Variants in CHMP7 observed in about 807,000 individuals in gnomAD.
CHMP7 encodes CHMP family, member 7.
Under a neutral mutation model 53.7 loss-of-function variants are expected in CHMP7, and 15 were observed. The ratio of observed to expected loss-of-function variants is 0.28; its 90% CI spans 0.19 to 0.43. The LOEUF is 0.43. Among genes scored for constraint, CHMP7 ranks in the 20% least tolerant of loss-of-function variants. The probability of loss-of-function intolerance (pLI) is 1.00; values close to 1 mark genes in which losing one functional copy is unlikely to be tolerated. For synonymous variants in CHMP7, 261 were observed against 228.0 expected, an observed-to-expected ratio of 1.14 and a Z score of -1.30; for missense variants, 527 against 569.4, an observed-to-expected ratio of 0.93 and a Z score of 0.76.
intron 5 of CHMP7, 69 bp from the exon 6 acceptor site, chr8:23,257,964 A>C (rs1802204292): frequency 9.5e-7 from 1 of 1,056,678 alleles, no homozygotes; most frequent in African/African-American, 1.6e-5. Flanking sequence ...TGCTGCTCTC[A>C]GGGACCCTTT....
intron 7 of CHMP7, 106 bp downstream of exon 7, chr8:23,258,555 G>A: frequency 1.3e-6 from 2 of 1,493,046 alleles, no homozygotes; most frequent in East Asian, 2.3e-5. Context: ...CTTTCGGGAT[G>A]TGGCTGGGGT....
At chr8:23,259,316 C>CA (rs1802285490) in intron 9 of CHMP7, among the ~76,000 whole-genome samples, 190 bp downstream of exon 9, 9 of 149,708 alleles carry the variant, frequency 6.0e-5, no homozygotes, top group Admixed American at 1.3e-4. Context: ...CTACAGGCGC[C>CA]TGCCACTATG....
At chr8:23,248,810 A>C (rs1174736792) in intron 2 of CHMP7, among the ~76,000 whole-genome samples, 1 of 152,162 alleles carries the variant, frequency 6.6e-6, no homozygotes, top group Non-Finnish European at 1.5e-5. Context: ...CTTGCACTCG[A>C]CAGTGATTTA....
chr8:23,249,883 A>C (rs1433206940), intron 3 of CHMP7, among the ~76,000 whole-genome samples: 1 of 152,148 alleles, frequency 6.6e-6, no homozygotes, highest in Non-Finnish European at 1.5e-5. Flanking sequence ...CCTCCTGGTC[A>C]GTCAGCCTCC....
At chr8:23,258,678 A>T in intron 7 of CHMP7, 54 bp from the exon 8 acceptor site, 1 of 1,340,482 alleles carries the variant, frequency 7.5e-7, no homozygotes, top group East Asian at 2.3e-5. Context: ...ACAATATTGT[A>T]TGTATTTTGC....
chr8:23,246,367 C>T lies in CHMP7; in HGVS notation c.-329C>T, dbSNP rs1405677355. 2.3e-5 allele frequency: 8 copies of T among 341,972 alleles called. No individual in the cohort carries two copies. The highest frequency in any genetic ancestry group is 5.5e-6 in the Non-Finnish European group (1 of 182,842). The allele number at this position is 341,972 out of a possible 1,614,324, so 21.2% of individuals were successfully genotyped here. A position where few individuals can be genotyped will look rare whatever the true frequency, so the allele number is the denominator to read the frequency against. ...CAGAAGCCGCTGTACAACGCTTTGC[C>T]GAACTCCAGAATCTTGAAGGAGACG... On this transcript the variant is annotated 5_prime_UTR_variant, in exon 2 of 11. Coordinates refer to ENST00000397677, the MANE Select transcript of CHMP7 (RefSeq NM_152272.5).
In CHMP7 at chr8:23,260,277, TGCTGAACTTGAA is replaced by T. The variant is rs1368213458; in HGVS notation, c.1266_1277del (p.Ala423_Glu426del). ...GCGTGCCTAACCCTAGGATCTCAGA[TGCTGAACTTGAA>T]GCTGAACTTGAGAAACTGTCCTTAT... On this transcript the variant is annotated inframe_deletion, in exon 10 of 11. Transcript: ENST00000397677. The T allele has an allele frequency of 1.2e-6, 2 of 1,614,068 alleles. No individual in the cohort carries two copies. Among genetic ancestry groups the T allele is most frequent in the Non-Finnish European group, 1.7e-6 (2 of 1,180,036 alleles).
chr8:23,246,678 G>T lies in CHMP7; in HGVS notation c.-18G>T, dbSNP rs548392575. ...GGGCCAGGCTTGTGTTCGCAGCCTT[G>T]CCGGGGCTGGGGTTCCGATGTGGTC... On this transcript the variant is annotated 5_prime_UTR_variant, in exon 2 of 11. Coordinates refer to ENST00000397677, the MANE Select transcript of CHMP7 (RefSeq NM_152272.5). The T allele has an allele frequency of 3.0e-5, 46 of 1,544,090 alleles. No homozygotes were observed. Among genetic ancestry groups the T allele is most frequent in the African/African-American group, 4.1e-5 (3 of 72,758 alleles).
rs1383262279 is a variant in CHMP7, at chr8:23,246,773, G to A, written c.78G>A (p.Glu26=). 1 of 1,565,798 alleles carries A rather than the reference G, an allele frequency of 6.4e-7. No homozygotes were observed. Among genetic ancestry groups the A allele is most frequent in the African/African-American group, 1.4e-5 (1 of 73,622 alleles). ...GCCTTCTGCCCCCCGAGTGGGAGGA[G>A]GACGAGGAGCGCATGTCCTTCCTGT... ...PAGLLPPEWE[E]DEERMSFLFS... Residue 26 remains glutamate (E), a synonymous_variant, in exon 2 of 11, where the codon GAG becomes GAA. Transcript: ENST00000397677.
At chr8:23,259,200 G>A (rs552959352) in intron 9 of CHMP7, 74 bp downstream of exon 9, 110 of 722,606 alleles carry the variant, frequency 1.5e-4, no homozygotes, top group African/African-American at 9.3e-4. Flanking sequence ...ACGGAGTCTC[G>A]CTCTGTCGCC....
chr8:23,256,349 C>T, intron 4 of CHMP7, 111 bp from the exon 5 acceptor site: 1 of 740,492 alleles, frequency 1.4e-6, no homozygotes, highest in South Asian at 1.6e-5. Flanking sequence ...GAACATATCC[C>T]CCATGGATAA....
At chr8:23,251,366 C>G (rs147577022) in intron 3 of CHMP7, among the ~76,000 whole-genome samples, 1 of 152,178 alleles carries the variant, frequency 6.6e-6, no homozygotes, top group Non-Finnish European at 1.5e-5. Flanking sequence ...ACTTTTCTCT[C>G]TTTGGGTACT....
At chr8:23,259,029 C>A in intron 8 of CHMP7, 37 bp from the exon 9 acceptor site, 1 of 1,421,712 alleles carries the variant, frequency 7.0e-7, no homozygotes, top group Non-Finnish European at 1.0e-6. Flanking sequence ...TCAGAGCCAC[C>A]ATGCCCAGCT....
chr8:23,256,604 A>T lies in CHMP7; in HGVS notation c.791+11A>T. ...CCAGGAAGCAGAGAGGTAACTTTTA[A>T]CCCTGAACTGAGCCTCCTCCCCACT... On this transcript the variant is annotated intron_variant, in intron 5 of 10. Transcript: ENST00000397677. The T allele has an allele frequency of 6.2e-7, 1 of 1,612,226 alleles. No homozygotes were observed. Among genetic ancestry groups the T allele is most frequent in the Non-Finnish European group, 8.5e-7 (1 of 1,178,954 alleles).
In CHMP7 at chr8:23,246,999, G is replaced by A; in HGVS notation, c.299+5G>A. On this transcript the variant is annotated splice_donor_5th_base_variant and intron_variant, in intron 2 of 10. Coordinates refer to ENST00000397677, the MANE Select transcript of CHMP7 (RefSeq NM_152272.5). ...GGTGCTGCAGGACCTGCTGCGGTGA[G>A]GGGCGGGCTGGGGCCAGGGCCGCGA... is the stretch of plus-strand genomic sequence containing the variant. 6.6e-7 allele frequency: 1 copy of A among 1,516,776 alleles called. No individual in the cohort carries two copies. The highest frequency in any genetic ancestry group is 8.8e-7 in the Non-Finnish European group (1 of 1,137,452). 94.0% of individuals were successfully genotyped at this position (1,516,776 alleles called of 1,614,324 possible). A position where few individuals can be genotyped will look rare whatever the true frequency, so the allele number is the denominator to read the frequency against.
chr8:23,258,252 A>G, intron 6 of CHMP7, 78 bp from the exon 7 acceptor site: 1 of 1,587,180 alleles, frequency 6.3e-7, no homozygotes, highest in Admixed American at 1.7e-5. Flanking sequence ...GGACATCCTT[A>G]GCGTCTGGGA....
At position 23,254,134 on chromosome 8, in the gene CHMP7, C is replaced by T. The variant is rs113539624; in HGVS notation, c.472-1113C>T. 9.8e-4 allele frequency among the ~76,000 whole-genome samples: 148 copies of T among 151,536 alleles called. 2 individuals are homozygous for T. Among genetic ancestry groups the T allele is most frequent in the African/African-American group, 3.6e-3 (147 of 41,352 alleles). The stretch of plus-strand genomic sequence containing the variant: ...TGTTCCTCTCTCTTCCCGAGATACC[C>T]GTTTCACCTCTTCACCTAGGAACTT... On this transcript the variant is annotated intron_variant, in intron 3 of 10. Coordinates refer to ENST00000397677, the MANE Select transcript of CHMP7 (RefSeq NM_152272.5).
At chr8:23,249,054 A>G (rs1801819639) in intron 2 of CHMP7, among the ~76,000 whole-genome samples, 156 bp from the exon 3 acceptor site, 1 of 152,220 alleles carries the variant, frequency 6.6e-6, no homozygotes, top group Non-Finnish European at 1.5e-5. Context: ...GCTGGAGTAT[A>G]AACAATGCTG....
intron 3 of CHMP7, 159 bp from the exon 4 acceptor site, chr8:23,255,088 A>G: frequency 1.4e-6 from 1 of 695,456 alleles, no homozygotes; most frequent in South Asian, 1.7e-5. Flanking sequence ...AAAAACACAG[A>G]TCCTTCCTCC....
Sources: gnomAD v4.1 joint callset for allele counts (sites outside exome capture counted in the v4.1 genomes callset) on GRCh38, gnomAD v4.1.1 for gene constraint, MANE v1.5 for transcripts, NCBI Gene and HGNC (gene_info 2026-07-23, HGNC 2026-07-21) for gene names.